NSFL1C: variants seen among roughly 807,000 people sequenced by gnomAD.
NSFL1C encodes the protein NSFL1 cofactor, also known as NSFL1 cofactor p47.
NSFL1C carries 14 observed loss-of-function variants against 43.1 expected under a neutral mutation model. That is an observed-to-expected ratio of 0.32 (90% confidence interval 0.21 to 0.51). NSFL1C has a LOEUF of 0.51. Among genes scored for constraint, NSFL1C ranks in the 20% least tolerant of loss-of-function variants. The pLI is 0.98. For missense variants in NSFL1C, 406 were observed against 472.5 expected (o/e 0.86, Z 1.30); for synonymous variants, 171 against 183.5 (o/e 0.93, Z 0.55).
chr20:1,455,578 C>T, intron 3 of NSFL1C: 2 of 748,608 alleles, frequency 2.7e-6, no homozygotes, highest in Admixed American at 3.7e-5. Context: ...AATGGTGGCA[C>T]TGGCATGGTT....
In NSFL1C at chr20:1,443,502, T is replaced by C. The variant is rs1401333039; in HGVS notation, c.*247A>G. 2.5e-6 allele frequency: 1 copy of C among 396,910 alleles called. No homozygotes were observed. The highest frequency in any genetic ancestry group is 4.0e-5 in the East Asian group (1 of 25,120). The allele number at this position is 396,910 out of a possible 1,614,324, so 24.6% of individuals were successfully genotyped here. The stretch of plus-strand genomic sequence containing the variant: ...GTTTCCGTACAACATGCTGGTGATA[T>C]TCCTTCAATTTTTTTGGTTGTTTTT... On this transcript the variant is annotated 3_prime_UTR_variant, in exon 9 of 9. Transcript: ENST00000216879.
At chr20:1,455,956 G>A (rs911641555) in intron 3 of NSFL1C, 1 of 578,962 alleles carries the variant, frequency 1.7e-6, no homozygotes. Context: ...CAATAGGCCA[G>A]GCATGGCTTG....
chr20:1,457,520 G>T (rs1390439852), intron 3 of NSFL1C, among the ~76,000 whole-genome samples: 1 of 152,076 alleles, frequency 6.6e-6, no homozygotes, highest in Non-Finnish European at 1.5e-5. Context: ...CTGTGCAAGA[G>T]ATCTAAAAAA....
chr20:1,466,595 G>A (rs922209999), intron 1 of NSFL1C, 125 bp downstream of exon 1: 3 of 884,910 alleles, frequency 3.4e-6, no homozygotes, highest in African/African-American at 1.8e-5. Flanking sequence ...GGGACCATGA[G>A]GCCTGGGTCG....
chr20:1,444,892 G>A (rs1488237637), intron 8 of NSFL1C, among the ~76,000 whole-genome samples: 2 of 152,190 alleles, frequency 1.3e-5, no homozygotes, highest in Non-Finnish European at 2.9e-5. Context: ...AGATGCACCT[G>A]GCTCACAGCT....
At chr20:1,444,639 TG>T (rs1366114825) in intron 8 of NSFL1C, among the ~76,000 whole-genome samples, 1 of 152,226 alleles carries the variant, frequency 6.6e-6, no homozygotes, top group African/African-American at 2.4e-5. Flanking sequence ...ACTTACAATT[TG>T]GCACATCTAA....
intron 7 of NSFL1C, among the ~76,000 whole-genome samples, chr20:1,452,180 T>C (rs112265870): frequency 1.3e-5 from 2 of 152,348 alleles, no homozygotes; most frequent in African/African-American, 4.8e-5. Context: ...AACAGTGTTC[T>C]ACATGCATCA....
intron 3 of NSFL1C, chr20:1,457,976 T>TC (rs2090336324): frequency 2.4e-6 from 1 of 416,930 alleles, no homozygotes; most frequent in Non-Finnish European, 4.3e-6. Context: ...CTTGTTTCCC[T>TC]CCCCTAATAT....
intron 3 of NSFL1C, 98 bp downstream of exon 3, chr20:1,458,102 A>G (rs1029120699): frequency 2.0e-6 from 2 of 991,328 alleles, no homozygotes; most frequent in Admixed American, 3.4e-5. Context: ...ATGGCTAACA[A>G]TAACCAAACA....
intron 1 of NSFL1C, among the ~76,000 whole-genome samples, chr20:1,466,002 G>A (rs1205787857): frequency 6.6e-6 from 1 of 152,170 alleles, no homozygotes; most frequent in Non-Finnish European, 1.5e-5. Context: ...CTAAGACGAA[G>A]CTGGCCAAGA....
intron 7 of NSFL1C, 122 bp from the exon 8 acceptor site, chr20:1,445,952 C>T: frequency 9.3e-7 from 1 of 1,076,532 alleles, no homozygotes; most frequent in East Asian, 2.4e-5. Context: ...TGCTGCTGAT[C>T]TATTGACCCA....
intron 7 of NSFL1C, 49 bp downstream of exon 7, chr20:1,452,444 T>TG (rs1281338088): frequency 6.2e-7 from 1 of 1,603,336 alleles, no homozygotes; most frequent in Non-Finnish European, 8.5e-7. Flanking sequence ...CTGCTGGGCT[T>TG]GGCAGGTGTG....
In NSFL1C at chr20:1,454,179, C is replaced by T. The variant is rs1446558090; in HGVS notation, c.537+34G>A. On this transcript the variant is annotated intron_variant, in intron 5 of 8. Transcript: ENST00000216879. ...TTCAGAAAAATGGCAGAACAGTCCA[C>T]AAGCTTCCCTCATGGGAAGGTGGAT... 4 of 1,551,530 alleles carry T rather than the reference C, an allele frequency of 2.6e-6. No homozygotes were observed. In the South Asian group the frequency reaches 4.5e-5, roughly 17 times the overall value.
chr20:1,465,487 G>A (rs1303695088), intron 1 of NSFL1C, among the ~76,000 whole-genome samples: 1 of 152,236 alleles, frequency 6.6e-6, no homozygotes, highest in African/African-American at 2.4e-5. Context: ...GGTCTTTCAG[G>A]TAGAAACTTT....
chr20:1,464,083 G>A (rs2090463761), intron 2 of NSFL1C: 1 of 448,732 alleles, frequency 2.2e-6, no homozygotes, highest in Non-Finnish European at 3.9e-6. Flanking sequence ...TACTACATAA[G>A]TAAAAGTCTT....
chr20:1,452,787 T>G (rs987602866), intron 6 of NSFL1C, among the ~76,000 whole-genome samples, 157 bp from the exon 7 acceptor site: 9 of 152,190 alleles, frequency 5.9e-5, no homozygotes, highest in African/African-American at 2.2e-4. Flanking sequence ...GCCTCCACCT[T>G]TTCTCTTGTT....
At chr20:1,454,150 T>C in intron 5 of NSFL1C, 63 bp downstream of exon 5, 1 of 1,289,994 alleles carries the variant, frequency 7.8e-7, no homozygotes, top group South Asian at 1.2e-5. Flanking sequence ...ATGTAACCAA[T>C]CCCTTCAGAA....
intron 2 of NSFL1C, among the ~76,000 whole-genome samples, chr20:1,460,168 C>T (rs952026027): frequency 6.6e-6 from 1 of 152,214 alleles, no homozygotes; most frequent in Non-Finnish European, 1.5e-5. Context: ...TATGGGCTTT[C>T]TGTGTGCAGG....
chr20:1,443,669 G>A lies in NSFL1C; in HGVS notation c.*80C>T. On this transcript the variant is annotated 3_prime_UTR_variant, in exon 9 of 9. Coordinates refer to ENST00000216879, the MANE Select transcript of NSFL1C (RefSeq NM_016143.5). ...CTGGACTGCTGGGTGTGCACAAGGGGGCAGGAGGGGCGATCCCCATGGGGC... is the reference window on the plus strand; with the variant it reads ...CTGGACTGCTGGGTGTGCACAAGGGAGCAGGAGGGGCGATCCCCATGGGGC... The A allele has an allele frequency of 6.7e-7, 1 of 1,490,212 alleles. No individual in the cohort carries two copies. The highest frequency in any genetic ancestry group is 9.3e-7 in the Non-Finnish European group (1 of 1,076,728). The allele number at this position is 1,490,212 out of a possible 1,614,324, so 92.3% of individuals were successfully genotyped here.
Sources: allele counts gnomAD v4.1 joint callset (sites outside exome capture counted in the v4.1 genomes callset), GRCh38; gene constraint gnomAD v4.1.1; transcripts MANE v1.5; gene names NCBI Gene and HGNC (gene_info 2026-07-23, HGNC 2026-07-21).